The following SNCAIP variants were observed in gnomAD, a reference collection of about 807,000 sequenced individuals.
SNCAIP encodes the protein synuclein alpha interacting protein.
Under a neutral mutation model 86.7 loss-of-function variants are expected in SNCAIP, and 43 were observed. The observed-to-expected ratio is 0.50, with a 90% CI of 0.39 to 0.64. SNCAIP has a LOEUF of 0.64. SNCAIP is among the 30% of genes least tolerant of loss of function. The probability of loss-of-function intolerance (pLI) is 0.00; values close to 1 mark genes in which losing one functional copy is unlikely to be tolerated. For synonymous variants in SNCAIP, 417 were observed against 427.2 expected, an observed-to-expected ratio of 0.98 and a Z score of 0.29; for missense variants, 981 against 1,103.1, an observed-to-expected ratio of 0.89 and a Z score of 1.57.
chr5:122,358,937 G>A (rs1214573165), intron 1 of SNCAIP, among the ~76,000 whole-genome samples: 1 of 152,160 alleles, frequency 6.6e-6, no homozygotes, highest in African/African-American at 2.4e-5. Context: ...CCAGGGCTGA[G>A]AATTTGTGTC....
At chr5:122,369,307 T>G (rs1464152226) in intron 1 of SNCAIP, among the ~76,000 whole-genome samples, 1 of 152,210 alleles carries the variant, frequency 6.6e-6, no homozygotes, top group Non-Finnish European at 1.5e-5. Flanking sequence ...TCTGACCCAA[T>G]GTCGCATAAA....
intron 8 of SNCAIP, among the ~76,000 whole-genome samples, 171 bp from the exon 9 acceptor site, chr5:122,449,674 G>GACATACAGGAGTCC (rs1783298451): frequency 1.3e-5 from 2 of 152,086 alleles, no homozygotes; most frequent in African/African-American, 2.4e-5. Context: ...GGGTACTTTT[G>GACATACAGGAGTCC]ATTGTTTCCT....
intron 1 of SNCAIP, among the ~76,000 whole-genome samples, chr5:122,328,933 G>A (rs919479561): frequency 1.3e-5 from 2 of 152,082 alleles, no homozygotes; most frequent in African/African-American, 2.4e-5. Context: ...TCCTGTTCCT[G>A]TTTCCATGCT....
intron 3 of SNCAIP, among the ~76,000 whole-genome samples, chr5:122,422,520 A>G (rs545776367): frequency 6.6e-6 from 1 of 152,204 alleles, no homozygotes; most frequent in African/African-American, 2.4e-5. Context: ...TTATTCTCTA[A>G]TCTTGTTTTT....
At chr5:122,430,770 C>T (rs1053553168) in intron 5 of SNCAIP, among the ~76,000 whole-genome samples, 2 of 151,568 alleles carry the variant, frequency 1.3e-5, no homozygotes, top group African/African-American at 4.8e-5. Flanking sequence ...AAAAAATACT[C>T]ATAAACGACT....
chr5:122,325,282 A>G (rs1753789695), intron 1 of SNCAIP, among the ~76,000 whole-genome samples: 1 of 152,088 alleles, frequency 6.6e-6, no homozygotes, highest in Non-Finnish European at 1.5e-5. Context: ...GGGTTTGGCC[A>G]ATGGGGTGGA....
At chr5:122,426,641 G>A (rs921909942) in intron 5 of SNCAIP, among the ~76,000 whole-genome samples, 1 of 152,080 alleles carries the variant, frequency 6.6e-6, no homozygotes, top group African/African-American at 2.4e-5. Context: ...CTATGACCCT[G>A]GTAGGTATTA....
At chr5:122,329,212 T>A (rs541043446) in intron 1 of SNCAIP, among the ~76,000 whole-genome samples, 1 of 151,778 alleles carries the variant, frequency 6.6e-6, no homozygotes, top group Non-Finnish European at 1.5e-5. Flanking sequence ...ACATACATTA[T>A]TTCCTTTAAA....
chr5:122,443,286 T>C (rs1397972877), intron 7 of SNCAIP, among the ~76,000 whole-genome samples: 3 of 152,248 alleles, frequency 2.0e-5, no homozygotes, highest in Non-Finnish European at 4.4e-5. Flanking sequence ...TGCAGTCTCA[T>C]CATGATATTG....
At chr5:122,350,004 A>G (rs1243120920) in intron 1 of SNCAIP, among the ~76,000 whole-genome samples, 2 of 152,220 alleles carry the variant, frequency 1.3e-5, no homozygotes, top group African/African-American at 4.8e-5. Context: ...ATTTGTTCAT[A>G]TTAGATAGAC....
chr5:122,450,642 G>A lies in SNCAIP; in HGVS notation c.1795G>A (p.Gly599Arg), dbSNP rs1186411911. The A allele has an allele frequency of 6.2e-7, 1 of 1,614,038 alleles. No homozygotes were observed. The highest frequency in any genetic ancestry group is 8.5e-7 in the Non-Finnish European group (1 of 1,179,934). ...AGTCCAAGAGGGGATTCAGGTTCTT[G>A]GAAGCCTGTCAGCCTCCAGCCGGGC... ...PGVQEGIQVL[G>R]SLSASSRARP... Residue 599 changes from glycine (G) to arginine (R), a missense_variant, in exon 10 of 11, where the codon GGA becomes AGA. Physicochemically the swap from Gly to Arg is moderately radical, Grantham distance 125. Coordinates refer to ENST00000261368, the MANE Select transcript of SNCAIP (RefSeq NM_005460.4).
intron 1 of SNCAIP, among the ~76,000 whole-genome samples, chr5:122,314,614 C>G (rs1751321753): frequency 6.6e-6 from 1 of 152,282 alleles, no homozygotes; most frequent in Admixed American, 6.5e-5. Flanking sequence ...TATGCAGATT[C>G]ACTTGCAGGA....
At chr5:122,332,043 G>A (rs1252173792) in intron 1 of SNCAIP, among the ~76,000 whole-genome samples, 3 of 152,204 alleles carry the variant, frequency 2.0e-5, no homozygotes, top group Non-Finnish European at 4.4e-5. Flanking sequence ...TTTGTAAACA[G>A]TGTTGGCTGA....
chr5:122,379,647 G>C (rs1392673394), intron 1 of SNCAIP, among the ~76,000 whole-genome samples: 2 of 151,820 alleles, frequency 1.3e-5, no homozygotes, highest in African/African-American at 2.4e-5. Flanking sequence ...TCCAGTTTTT[G>C]CCCATTCAGT....
intron 2 of SNCAIP, among the ~76,000 whole-genome samples, chr5:122,397,511 T>TA (rs1035308420): frequency 2.6e-4 from 40 of 152,022 alleles, no homozygotes; most frequent in African/African-American, 5.8e-4. Context: ...TAAAAGAATT[T>TA]AAAAAAAACT....
chr5:122,396,721 A>G (rs1580977779), intron 2 of SNCAIP, among the ~76,000 whole-genome samples: 1 of 152,258 alleles, frequency 6.6e-6, no homozygotes, highest in East Asian at 1.9e-4. Context: ...GGTTAACTTC[A>G]TGGTAGGTCA....
rs148437521 is a variant in SNCAIP, at chr5:122,334,765, A to G, written c.-47+22481A>G. Among the ~76,000 whole-genome samples, 39 of 152,356 alleles carry G rather than the reference A, an allele frequency of 2.6e-4. 1 individual carries two copies. In the East Asian group the frequency reaches 6.9e-3, roughly 27 times the overall value. On this transcript the variant is annotated intron_variant, in intron 1 of 10. Transcript: ENST00000261368. ...ATGTGCTAATTTTTTGCAACTTTGCAGTAGACCTAAGCTAAATAGAATGTA... is the reference window on the plus strand; with the variant it reads ...ATGTGCTAATTTTTTGCAACTTTGCGGTAGACCTAAGCTAAATAGAATGTA...
intron 3 of SNCAIP, among the ~76,000 whole-genome samples, chr5:122,407,156 G>A (rs1184244518): frequency 6.6e-6 from 1 of 152,154 alleles, no homozygotes; most frequent in Non-Finnish European, 1.5e-5. Flanking sequence ...GATAAACAAG[G>A]TCACCACAGA....
chr5:122,455,116 C>T (rs1226045912), intron 10 of SNCAIP, among the ~76,000 whole-genome samples: 2 of 152,192 alleles, frequency 1.3e-5, no homozygotes, highest in Non-Finnish European at 2.9e-5. Context: ...ACCCCTTCTC[C>T]TCATTACCCT....
Sources: allele counts gnomAD v4.1 joint callset (sites outside exome capture counted in the v4.1 genomes callset), GRCh38; gene constraint gnomAD v4.1.1; transcripts MANE v1.5; gene names NCBI Gene and HGNC (gene_info 2026-07-23, HGNC 2026-07-21).